The following CTNNA3 variants were observed in gnomAD, a reference collection of about 807,000 sequenced individuals.
CTNNA3 encodes the protein catenin alpha-3.
Under a neutral mutation model 95.7 loss-of-function variants are expected in CTNNA3, and 76 were observed. The ratio of observed to expected loss-of-function variants is 0.79; its 90% CI spans 0.66 to 0.96. CTNNA3 has a LOEUF of 0.96. Among genes scored for constraint, CTNNA3 ranks in the 40% least tolerant of loss-of-function variants. The pLI is 0.00. For synonymous variants in CTNNA3, 431 were observed against 374.4 expected (o/e 1.15, Z -1.74); for missense variants, 1,191 against 1,089.8 (o/e 1.09, Z -1.31).
rs2077068079 is a variant in CTNNA3 at position 65,920,554 on chromosome 10, C to G, written c.2464G>C (p.Val822Leu). 2.5e-6 allele frequency: 4 copies of G among 1,614,138 alleles called. No individual in the cohort carries two copies. Among genetic ancestry groups the G allele is most frequent in the Non-Finnish European group, 3.4e-6 (4 of 1,180,016 alleles). ...KNLMNAVVQTVKMSYIASTKI... is the reference protein window; with the variant it reads ...KNLMNAVVQTLKMSYIASTKI... ...GTTGAGGCAATGTAAGACATTTTCA[C>G]TGTTTGCACTACAGCATTCATTAAA... The change falls in exon 18 of 18, where the codon GTG (valine) becomes CTG (leucine). Residue 822 changes from valine to leucine, a missense_variant. Coordinates refer to ENST00000433211, the MANE Select transcript of CTNNA3 (RefSeq NM_013266.4).
At chr10:66,909,526 T>C (rs1846133688) in intron 7 of CTNNA3, among the ~76,000 whole-genome samples, 1 of 151,502 alleles carries the variant, frequency 6.6e-6, no homozygotes, top group African/African-American at 2.4e-5. Context: ...AATAAATAAA[T>C]AAATAAATAA....
intron 1 of CTNNA3, among the ~76,000 whole-genome samples, chr10:67,726,124 T>C (rs1186521940): frequency 8.7e-6 from 1 of 114,842 alleles, no homozygotes; most frequent in African/African-American, 3.5e-5. Flanking sequence ...TATTATTATA[T>C]TAGATAATAT....
At chr10:66,390,871 A>G (rs2092928516) in intron 11 of CTNNA3, among the ~76,000 whole-genome samples, 2 of 152,144 alleles carry the variant, frequency 1.3e-5, no homozygotes, top group Non-Finnish European at 2.9e-5. Context: ...TGTAAAATGT[A>G]AAGTCCCTTC....
intron 5 of CTNNA3, among the ~76,000 whole-genome samples, chr10:67,310,439 A>G (rs1840744855): frequency 1.3e-5 from 2 of 152,208 alleles, no homozygotes; most frequent in Non-Finnish European, 2.9e-5. Flanking sequence ...CTGAGATATT[A>G]AATTTGTAAG....
intron 7 of CTNNA3, among the ~76,000 whole-genome samples, chr10:67,041,712 A>C (rs1479254993): frequency 6.6e-6 from 1 of 152,144 alleles, no homozygotes; most frequent in African/African-American, 2.4e-5. Flanking sequence ...ACTCAATAAA[A>C]TTGAGTTCTT....
chr10:66,599,477 C>A (rs1843842342), intron 10 of CTNNA3, among the ~76,000 whole-genome samples: 1 of 151,964 alleles, frequency 6.6e-6, no homozygotes, highest in East Asian at 1.9e-4. Flanking sequence ...AGGCTGCCCC[C>A]ATGCTAGAGT....
intron 5 of CTNNA3, among the ~76,000 whole-genome samples, chr10:67,458,841 C>T (rs1847268119): frequency 6.6e-6 from 1 of 152,154 alleles, no homozygotes; most frequent in South Asian, 2.1e-4. Context: ...CCTCGCTTAA[C>T]ATGTGGGGAT....
At chr10:66,916,389 C>G (rs1479145155) in intron 7 of CTNNA3, among the ~76,000 whole-genome samples, 2 of 152,038 alleles carry the variant, frequency 1.3e-5, no homozygotes, top group African/African-American at 2.4e-5. Context: ...AAGAATTAAA[C>G]AGTAGCTAAA....
At chr10:67,064,068 C>A (rs1240778008) in intron 7 of CTNNA3, among the ~76,000 whole-genome samples, 1 of 152,182 alleles carries the variant, frequency 6.6e-6, no homozygotes, top group Non-Finnish European at 1.5e-5. Flanking sequence ...TTCAGCTTTT[C>A]ACTTAATAGT....
chr10:67,165,749 G>T (rs1861741029), intron 7 of CTNNA3, among the ~76,000 whole-genome samples: 1 of 152,128 alleles, frequency 6.6e-6, no homozygotes, highest in South Asian at 2.1e-4. Flanking sequence ...ATAAACAGCT[G>T]AACTAAAATT....
intron 5 of CTNNA3, among the ~76,000 whole-genome samples, chr10:67,240,367 CTAATT>C (rs1425396333): frequency 6.6e-6 from 1 of 152,094 alleles, no homozygotes; most frequent in Non-Finnish European, 1.5e-5. Context: ...CAAACACCTG[CTAATT>C]TAATGTTCTT....
At position 67,459,298 on chromosome 10, in the gene CTNNA3, T is replaced by C. The variant is rs1322594365; in HGVS notation, c.579+62544A>G. On this transcript the variant is annotated intron_variant, in intron 5 of 17. Coordinates refer to ENST00000433211, the MANE Select transcript of CTNNA3 (RefSeq NM_013266.4). ...CATGTAATCAGAAATTGGTAGAGCA[T>C]GCAAATCCAAGGCTGATGTATTCAC... is the stretch of plus-strand genomic sequence containing the variant. Among the ~76,000 whole-genome samples, 3 of 152,176 alleles carry C rather than the reference T, an allele frequency of 2.0e-5. No homozygotes were observed. The East Asian group carries it at 5.8e-4, about 29-fold the overall frequency.
At chr10:65,966,799 A>G in intron 16 of CTNNA3, 53 bp from the exon 17 acceptor site, 2 of 1,437,778 alleles carry the variant, frequency 1.4e-6, no homozygotes, top group African/African-American at 2.8e-5. Flanking sequence ...TAATAGTTAG[A>G]TCAAGGTGAG....
intron 14 of CTNNA3, among the ~76,000 whole-genome samples, chr10:66,093,787 T>C (rs2081294328): frequency 1.3e-5 from 2 of 152,014 alleles, no homozygotes; most frequent in Admixed American, 1.3e-4. Context: ...AGAAATAAAT[T>C]CATGTAATAC....
At chr10:67,114,512 T>C (rs1309019231) in intron 7 of CTNNA3, among the ~76,000 whole-genome samples, 1 of 152,140 alleles carries the variant, frequency 6.6e-6, no homozygotes, top group African/African-American at 2.4e-5. Flanking sequence ...TCTGTAGATT[T>C]TTTTTATTGT....
At chr10:66,220,948 AAAG>A in intron 13 of CTNNA3, among the ~76,000 whole-genome samples, 1 of 152,320 alleles carries the variant, frequency 6.6e-6, no homozygotes, top group Admixed American at 6.5e-5. Flanking sequence ...ACAGGGATGT[AAAG>A]TTCTCACTTT....
chr10:66,276,881 T>C (rs1214388142), intron 13 of CTNNA3, among the ~76,000 whole-genome samples: 15 of 152,110 alleles, frequency 9.9e-5, no homozygotes, highest in Non-Finnish European at 1.5e-5. Context: ...TCTTTTGAAG[T>C]AGGTTTAATA....
chr10:66,596,172 G>A (rs1375968944), intron 10 of CTNNA3, among the ~76,000 whole-genome samples: 1 of 151,908 alleles, frequency 6.6e-6, no homozygotes, highest in Non-Finnish European at 1.5e-5. Flanking sequence ...AAGGGGGTAG[G>A]GGCCGTGGCA....
intron 11 of CTNNA3, among the ~76,000 whole-genome samples, chr10:66,432,823 G>GCCCTA (rs2093308368): frequency 1.4e-4 from 20 of 147,810 alleles, no homozygotes; most frequent in Non-Finnish European, 2.3e-4. Flanking sequence ...CCCCCAACAG[G>GCCCTA]GTATGTGATG....
Sources: allele counts gnomAD v4.1 joint callset (sites outside exome capture counted in the v4.1 genomes callset), GRCh38; gene constraint gnomAD v4.1.1; transcripts MANE v1.5; gene names NCBI Gene and HGNC (gene_info 2026-07-23, HGNC 2026-07-21).